The following SNX10 variants were observed in gnomAD, a reference collection of about 807,000 sequenced individuals.
SNX10 encodes the protein sorting nexin-10.
SNX10 carries 25 observed loss-of-function variants against 28.5 expected under a neutral mutation model. The observed-to-expected ratio is 0.88, with a 90% CI of 0.64 to 1.22. The LOEUF is 1.22. SNX10 is among the 50% of genes most tolerant of loss of function. SNX10 has a pLI of 0.00. For synonymous variants in SNX10, 62 were observed against 81.4 expected (o/e 0.76, Z 1.28); for missense variants, 223 against 242.6 (o/e 0.92, Z 0.54).
rs372836553 is a variant in SNX10 at position 26,354,256 on chromosome 7, G to A, written c.25-6719G>A. The A allele has an allele frequency of 3.9e-5, 6 of 152,156 alleles. No homozygotes were observed. The South Asian group carries it at 6.2e-4, about 16-fold the overall frequency. The allele number at this position is 152,156 out of a possible 1,614,324, so 9.4% of individuals were successfully genotyped here. On this transcript the variant is annotated intron_variant, in intron 2 of 6. Coordinates refer to ENST00000338523, the MANE Select transcript of SNX10 (RefSeq NM_013322.3). ...TTAACGATGTCGAACATCTTTCTACGTGCTTGTTTGCCATCTGTATGCCCT... is the reference window on the plus strand; with the variant it reads ...TTAACGATGTCGAACATCTTTCTACATGCTTGTTTGCCATCTGTATGCCCT...
intron 1 of SNX10, among the ~76,000 whole-genome samples, chr7:26,322,756 T>C (rs1205852517): frequency 6.6e-6 from 1 of 152,228 alleles, no homozygotes; most frequent in Non-Finnish European, 1.5e-5. Flanking sequence ...AAAGATCTGT[T>C]CTCTTAGTGG....
chr7:26,295,387 G>T (rs972158), intron 1 of SNX10, among the ~76,000 whole-genome samples: 78,050 of 151,890 alleles, frequency 0.51, 21,199 homozygotes, highest in Admixed American at 0.61. Flanking sequence ...CTGCAAAAGT[G>T]CATTATTCTG....
intron 2 of SNX10, among the ~76,000 whole-genome samples, chr7:26,351,779 C>G (rs1467622946): frequency 6.6e-6 from 1 of 151,230 alleles, no homozygotes; most frequent in South Asian, 2.1e-4. Flanking sequence ...GCCTCAGCCT[C>G]CTGAGTAGCT....
chr7:26,315,495 C>T (rs1002002040), intron 1 of SNX10, among the ~76,000 whole-genome samples: 3 of 151,610 alleles, frequency 2.0e-5, no homozygotes, highest in African/African-American at 4.8e-5. Flanking sequence ...GGTGAAACCC[C>T]GTCTCTACTA....
intron 1 of SNX10, among the ~76,000 whole-genome samples, chr7:26,322,127 C>T (rs138137560): frequency 2.0e-5 from 3 of 151,566 alleles, no homozygotes; most frequent in East Asian, 3.9e-4. Context: ...CCAGGCAGCC[C>T]GTCCTACCAG....
chr7:26,298,025 G>A (rs1429816770), intron 1 of SNX10, among the ~76,000 whole-genome samples: 2 of 152,238 alleles, frequency 1.3e-5, no homozygotes, highest in African/African-American at 4.8e-5. Context: ...GAGGTCAGGA[G>A]TTCGAGACCA....
intron 1 of SNX10, among the ~76,000 whole-genome samples, chr7:26,331,666 T>A: frequency 6.6e-6 from 1 of 152,234 alleles, no homozygotes; most frequent in Non-Finnish European, 1.5e-5. Flanking sequence ...ATATGTGCAC[T>A]TATCACCAAA....
chr7:26,316,920 C>G (rs1787117333), intron 1 of SNX10, among the ~76,000 whole-genome samples: 1 of 152,162 alleles, frequency 6.6e-6, no homozygotes, highest in South Asian at 2.1e-4. Context: ...TTTTAAGATG[C>G]AAATGTTAGA....
rs140009566 is a variant in SNX10 at position 26,306,777 on chromosome 7, G to A, written c.-24+14691G>A. ...CAGCATTTTTCATATTGGGGGTCCT[G>A]GGAAAGTCTGAGAATGAACAGTGAC... On this transcript the variant is annotated intron_variant, in intron 1 of 6. Coordinates refer to ENST00000338523, the MANE Select transcript of SNX10 (RefSeq NM_013322.3). Among the ~76,000 whole-genome samples the A allele has an allele frequency of 1.0e-3, 155 of 152,262 alleles. 2 individuals are homozygous for A. Among genetic ancestry groups the A allele is most frequent in the East Asian group, 4.6e-3 (24 of 5,180 alleles).
intron 2 of SNX10, among the ~76,000 whole-genome samples, chr7:26,348,843 C>G (rs1448758985): frequency 6.6e-6 from 1 of 152,206 alleles, no homozygotes. Context: ...TGGACTTTTA[C>G]AGATGTTTTT....
intron 1 of SNX10, among the ~76,000 whole-genome samples, chr7:26,312,746 T>C (rs964647761): frequency 6.6e-6 from 1 of 152,228 alleles, no homozygotes; most frequent in Admixed American, 6.5e-5. Flanking sequence ...ATCACGCCAC[T>C]GCACTCCAGC....
At chr7:26,312,102 T>TACATTATGGCCCATAGC (rs1157145124) in intron 1 of SNX10, among the ~76,000 whole-genome samples, 5 of 152,290 alleles carry the variant, frequency 3.3e-5, no homozygotes, top group Admixed American at 2.0e-4. Context: ...TTAGTTTCTG[T>TACATTATGGCCCATAGC]ACATTATGGC....
At position 26,298,782 on chromosome 7, in the gene SNX10, C is replaced by T. The variant is rs566871769; in HGVS notation, c.-24+6696C>T. Among the ~76,000 whole-genome samples, 3 of 152,276 alleles carry T rather than the reference C, an allele frequency of 2.0e-5. No individual in the cohort carries two copies. In the East Asian group the frequency reaches 5.8e-4, roughly 29 times the overall value. On this transcript the variant is annotated intron_variant, in intron 1 of 6. Coordinates refer to ENST00000338523, the MANE Select transcript of SNX10 (RefSeq NM_013322.3). Reference sequence around the variant, plus strand: ...CTGGGAAATGCAGGCTGATTTGTTTCCTACTGAGAGTTCTCTCCCTGGCTT... The same window carrying T: ...CTGGGAAATGCAGGCTGATTTGTTTTCTACTGAGAGTTCTCTCCCTGGCTT...
intron 1 of SNX10, among the ~76,000 whole-genome samples, chr7:26,339,896 C>T (rs10281957): frequency 0.2 from 29,651 of 149,636 alleles, 3,503 homozygotes; most frequent in East Asian, 0.44. Context: ...TTTGATCTTG[C>T]CAAAAGAAAA....
At chr7:26,325,050 G>C (rs924168477) in intron 1 of SNX10, among the ~76,000 whole-genome samples, 1 of 151,592 alleles carries the variant, frequency 6.6e-6, no homozygotes, top group African/African-American at 2.4e-5. Context: ...CAGCTGGGAG[G>C]CTTTGAAGCT....
At position 26,372,525 on chromosome 7, in the gene SNX10, A is replaced by G; in HGVS notation, c.559A>G (p.Ser187Gly). Residue 187 changes from serine (S) to glycine (G), a missense_variant, in exon 7 of 7, where the codon AGC becomes GGC. By Grantham distance (56) the Ser-to-Gly change is moderately conservative. Transcript: ENST00000338523. ...TGGGCTTGGACACAGTAGTGATGAC[A>G]GCAGTTCACATGGATGTAAAGTAAA... ...SSGLGHSSDD[S>G]SSHGCKVNTA... 1.2e-6 allele frequency: 2 copies of G among 1,610,080 alleles called. No homozygotes were observed. The highest frequency in any genetic ancestry group is 1.7e-6 in the Non-Finnish European group (2 of 1,176,398).
intron 1 of SNX10, among the ~76,000 whole-genome samples, chr7:26,335,905 G>A (rs1181586841): frequency 6.6e-6 from 1 of 151,398 alleles, no homozygotes; most frequent in African/African-American, 2.4e-5. Context: ...CACTGCGCCC[G>A]GCTAATTTTT....
chr7:26,342,024 C>T (rs1227037057), intron 1 of SNX10, among the ~76,000 whole-genome samples: 10 of 94,830 alleles, frequency 1.1e-4, no homozygotes, highest in East Asian at 1.0e-3. Context: ...TTCCTTTCTT[C>T]TTTCTTTTTT....
chr7:26,324,019 C>T (rs901441788), intron 1 of SNX10, among the ~76,000 whole-genome samples: 5 of 152,112 alleles, frequency 3.3e-5, no homozygotes, highest in African/African-American at 7.2e-5. Context: ...ATTTTTGTCA[C>T]GCCCTCACTT....
Sources: allele counts gnomAD v4.1 joint callset (sites outside exome capture counted in the v4.1 genomes callset), GRCh38; gene constraint gnomAD v4.1.1; transcripts MANE v1.5; gene names NCBI Gene and HGNC (gene_info 2026-07-23, HGNC 2026-07-21).